DHX35: variants seen among roughly 807,000 people sequenced by gnomAD.
DHX35 encodes DEAH-box helicase 35, also known as probable ATP-dependent RNA helicase DHX35.
Under a neutral mutation model 99.6 loss-of-function variants are expected in DHX35, and 84 were observed. The ratio of observed to expected loss-of-function variants is 0.84; its 90% CI spans 0.71 to 1.01. DHX35 has a LOEUF of 1.01. Ranked by LOEUF, DHX35 falls within the 50% of genes least tolerant of loss-of-function variation. The pLI, the probability that DHX35 is intolerant of heterozygous loss-of-function variation, is 0.00. For synonymous variants in DHX35, 331 were observed against 316.2 expected (o/e 1.05, Z -0.50); for missense variants, 852 against 888.5 (o/e 0.96, Z 0.52).
intron 2 of DHX35, among the ~76,000 whole-genome samples, chr20:38,970,348 G>A (rs556479150): frequency 6.6e-6 from 1 of 152,178 alleles, no homozygotes; most frequent in Non-Finnish European, 1.5e-5. Flanking sequence ...TGCCTTACTT[G>A]GAGTTTTATG....
intron 2 of DHX35, among the ~76,000 whole-genome samples, chr20:38,970,617 CTT>C (rs1396594972): frequency 3.3e-5 from 5 of 152,178 alleles, no homozygotes; most frequent in African/African-American, 1.2e-4. Context: ...TTCTGAGCTT[CTT>C]TTCTTTATCT....
chr20:38,995,748 G>C (rs2086419372), intron 8 of DHX35, among the ~76,000 whole-genome samples: 1 of 151,752 alleles, frequency 6.6e-6, no homozygotes, highest in South Asian at 2.1e-4. Flanking sequence ...CTTAACTCCA[G>C]CCAGCTGGGG....
At chr20:39,011,863 T>C (rs1315337352) in intron 13 of DHX35, among the ~76,000 whole-genome samples, 1 of 152,182 alleles carries the variant, frequency 6.6e-6, no homozygotes, top group Admixed American at 6.5e-5. Flanking sequence ...CATACAAATA[T>C]CAACTCCCCC....
intron 14 of DHX35, among the ~76,000 whole-genome samples, chr20:39,017,705 G>A (rs574532317): frequency 6.6e-6 from 1 of 152,186 alleles, no homozygotes; most frequent in Non-Finnish European, 1.5e-5. Flanking sequence ...CTGGATATTG[G>A]CAAGGTATTG....
chr20:38,996,184 C>T (rs1340258398), intron 8 of DHX35, among the ~76,000 whole-genome samples: 1 of 152,226 alleles, frequency 6.6e-6, no homozygotes, highest in African/African-American at 2.4e-5. Context: ...CCCAGTTGCT[C>T]TTTATTCCCT....
rs956393547 is a variant in DHX35, at chr20:39,038,680, A to G, written c.*137A>G. On this transcript the variant is annotated 3_prime_UTR_variant, in exon 22 of 22. Coordinates refer to ENST00000252011, the MANE Select transcript of DHX35 (RefSeq NM_021931.4). ...CTCTGAAGTGGGCTGCGGCCTGTTC[A>G]TTAGTCCTTTCTTCCCGCTGCCCAC... is the stretch of plus-strand genomic sequence containing the variant. 6.1e-6 allele frequency: 5 copies of G among 821,448 alleles called. No individual in the cohort carries two copies. Among genetic ancestry groups the G allele is most frequent in the Non-Finnish European group, 9.6e-6 (5 of 523,272 alleles). The allele number at this position is 821,448 out of a possible 1,614,324, so 50.9% of individuals were successfully genotyped here. A position where few individuals can be genotyped will look rare whatever the true frequency, so the allele number is the denominator to read the frequency against.
At chr20:39,008,346 A>G (rs1386800398) in intron 12 of DHX35, among the ~76,000 whole-genome samples, 1 of 152,254 alleles carries the variant, frequency 6.6e-6, no homozygotes, top group East Asian at 1.9e-4. Flanking sequence ...ATGAACCTGC[A>G]TGTACATGTA....
Position 38,988,869 on chromosome 20 carries a change from C to T in DHX35, c.402C>T (p.Tyr134=). The part of the protein sequence containing the change: ...RGAVLGHEVG[Y]CIRFDDCTDQ... ...CAGTGCTGGGCCACGAGGTGGGCTA[C>T]TGCATCCGCTTTGATGACTGCACCG... The change falls in exon 5 of 22, where the codon TAC becomes TAT. Residue 134 remains tyrosine, a synonymous_variant. Coordinates refer to ENST00000252011, the MANE Select transcript of DHX35 (RefSeq NM_021931.4). 1 of 1,613,858 alleles carries T rather than the reference C, an allele frequency of 6.2e-7. No homozygotes were observed. The highest frequency in any genetic ancestry group is 8.5e-7 in the Non-Finnish European group (1 of 1,179,868).
chr20:39,038,466 A>G, intron 21 of DHX35, 33 bp from the exon 22 acceptor site: 1 of 1,613,004 alleles, frequency 6.2e-7, no homozygotes, highest in Non-Finnish European at 8.5e-7. Flanking sequence ...TGTCTAATCA[A>G]CCCCAACTGT....
Position 39,018,880 on chromosome 20 carries a change from C to A in DHX35, c.1479C>A (p.Ala493=). The change falls in exon 15 of 22, where the codon GCC becomes GCA. Residue 493 remains alanine, a synonymous_variant. Transcript: ENST00000252011. Reference sequence around the variant, plus strand: ...AGTTTCCTTTGAATCCCATGTTTGCCAAAATGCTGCTTGAATCAGGTGGGT... The same window carrying A: ...AGTTTCCTTTGAATCCCATGTTTGCAAAAATGCTGCTTGAATCAGGTGGGT... ...IAEFPLNPMF[A]KMLLESGNFG... The A allele has an allele frequency of 6.2e-7, 1 of 1,613,934 alleles. No individual in the cohort carries two copies. The highest frequency in any genetic ancestry group is 1.1e-5 in the South Asian group (1 of 91,070).
chr20:39,032,218 C>CTGT (rs1220319000), intron 20 of DHX35, among the ~76,000 whole-genome samples: 1 of 152,216 alleles, frequency 6.6e-6, no homozygotes, highest in Admixed American at 6.5e-5. Flanking sequence ...GTGTCTCAAT[C>CTGT]TGTTGCCCAG....
Position 39,011,168 on chromosome 20 carries a change from CAGTT to C in DHX35, c.1347+768_1347+771del, listed in dbSNP as rs556604948. On this transcript the variant is annotated intron_variant, in intron 13 of 21. Coordinates refer to ENST00000252011, the MANE Select transcript of DHX35 (RefSeq NM_021931.4). ...GCTATTTATCTGTTAGAATTTGTGT[CAGTT>C]AGTGATTTTCAAGAGTCCTTTGAAT... Among the ~76,000 whole-genome samples, 576 of 151,204 alleles carry C rather than the reference CAGTT, an allele frequency of 3.8e-3. 4 individuals are homozygous for C. Among genetic ancestry groups the C allele is most frequent in the Middle Eastern group, 0.014 (4 of 294 alleles).
chr20:39,012,437 C>G (rs2086718449), intron 13 of DHX35, among the ~76,000 whole-genome samples: 1 of 152,048 alleles, frequency 6.6e-6, no homozygotes, highest in East Asian at 1.9e-4. Flanking sequence ...AAAAACAGCA[C>G]AAATTCAAAT....
At chr20:39,033,191 G>A (rs1248310511) in intron 20 of DHX35, among the ~76,000 whole-genome samples, 1 of 152,056 alleles carries the variant, frequency 6.6e-6, no homozygotes, top group Non-Finnish European at 1.5e-5. Flanking sequence ...AGCCATGATT[G>A]CACCACTGCA....
At chr20:39,024,777 G>T (rs1460146515) in intron 17 of DHX35, among the ~76,000 whole-genome samples, 1 of 152,142 alleles carries the variant, frequency 6.6e-6, no homozygotes, top group Non-Finnish European at 1.5e-5. Flanking sequence ...ATTAAATACT[G>T]TTGATAGAAA....
At position 39,039,520 on chromosome 20, in the gene DHX35, C is replaced by G. The variant is rs1319837903; in HGVS notation, c.*977C>G. ...AACACATGCCAGATGCAGATTTTTT[C>G]CCCCTTACTGTTTCAATGACCTTTA... On this transcript the variant is annotated 3_prime_UTR_variant, in exon 22 of 22. Transcript: ENST00000252011. The G allele has an allele frequency of 6.6e-6, 1 of 152,224 alleles. No individual in the cohort carries two copies. Among genetic ancestry groups the G allele is most frequent in the East Asian group, 1.9e-4 (1 of 5,192 alleles). The allele number at this position is 152,224 out of a possible 1,614,324, so 9.4% of individuals were successfully genotyped here. A position where few individuals can be genotyped will look rare whatever the true frequency, so the allele number is the denominator to read the frequency against.
At chr20:38,990,132 A>G (rs113374512) in intron 5 of DHX35, among the ~76,000 whole-genome samples, 6 of 152,326 alleles carry the variant, frequency 3.9e-5, no homozygotes, top group African/African-American at 1.4e-4. Context: ...TTGCATAACC[A>G]TGAAAACCTT....
intron 12 of DHX35, among the ~76,000 whole-genome samples, chr20:39,008,865 T>G (rs1400639140): frequency 6.6e-6 from 1 of 152,206 alleles, no homozygotes; most frequent in African/African-American, 2.4e-5. Context: ...AACATGCAGC[T>G]TCCCTGGAGG....
chr20:39,025,773 C>T (rs946381785), intron 18 of DHX35, among the ~76,000 whole-genome samples: 2 of 152,108 alleles, frequency 1.3e-5, no homozygotes, highest in African/African-American at 4.8e-5. Flanking sequence ...GATATTTAGC[C>T]TAGGCAGCCA....
Sources: gnomAD v4.1 joint callset for allele counts (sites outside exome capture counted in the v4.1 genomes callset) on GRCh38, gnomAD v4.1.1 for gene constraint, MANE v1.5 for transcripts, NCBI Gene and HGNC (gene_info 2026-07-23, HGNC 2026-07-21) for gene names.